The following PKP1 variants were observed in gnomAD, a reference collection of about 807,000 sequenced individuals.
PKP1 encodes plakophilin 1.
In PKP1, 27 loss-of-function variants were observed where a neutral mutation model predicts 76.4. The ratio of observed to expected loss-of-function variants is 0.35; its 90% CI spans 0.26 to 0.49. The LOEUF (loss-of-function observed/expected upper bound fraction) is 0.49. PKP1 is among the 20% of genes least tolerant of loss of function. The pLI is 0.99. For synonymous variants in PKP1, 404 were observed against 384.2 expected (o/e 1.05, Z -0.60); for missense variants, 964 against 955.2 (o/e 1.01, Z -0.12).
In PKP1 at chr1:201,325,029, C is replaced by T. The variant is rs764259164; in HGVS notation, c.1923C>T (p.Cys641=). ...CCGAAGACATCTTGTCCTCGGCCTG[C>T]TACACTGTGAGGAACCTGATGGCCT... ...SNSEDILSSA[C]YTVRNLMASQ... The change falls in exon 11 of 14, where the codon TGC becomes TGT. Residue 641 remains cysteine, a synonymous_variant. Coordinates refer to ENST00000367324, the MANE Select transcript of PKP1 (RefSeq NM_001005337.3). The T allele has an allele frequency of 4.3e-6, 7 of 1,613,940 alleles. No homozygotes were observed. In the South Asian group the frequency reaches 7.7e-5, roughly 18 times the overall value.
intron 6 of PKP1, 136 bp from the exon 7 acceptor site, chr1:201,320,131 C>A: frequency 1.4e-6 from 1 of 711,578 alleles, no homozygotes; most frequent in Non-Finnish European, 2.5e-6. Flanking sequence ...ATCTCCACCC[C>A]GTCGTCTCCT....
chr1:201,291,363 G>T (rs755135233), intron 1 of PKP1, among the ~76,000 whole-genome samples: 1 of 152,208 alleles, frequency 6.6e-6, no homozygotes. Context: ...ATGGGGACTG[G>T]CTTTGGGAAC....
Position 201,319,619 on chromosome 1 carries a change from G to T in PKP1, c.1233-648G>T, listed in dbSNP as rs560046519. 3.1e-3 allele frequency among the ~76,000 whole-genome samples: 477 copies of T among 152,318 alleles called. 1 individual carries two copies. Among genetic ancestry groups the T allele is most frequent in the African/African-American group, 0.011 (452 of 41,574 alleles). On this transcript the variant is annotated intron_variant, in intron 6 of 13. Coordinates refer to ENST00000367324, the MANE Select transcript of PKP1 (RefSeq NM_001005337.3). Reference sequence around the variant, plus strand: ...TTATGGGGTTGATGTGCTACTGGTAGCAACAGCAGCCACACCCCACCTGCA... The same window carrying T: ...TTATGGGGTTGATGTGCTACTGGTATCAACAGCAGCCACACCCCACCTGCA...
rs557982962 is a variant in PKP1 at position 201,322,059 on chromosome 1, G to C, written c.1429G>C (p.Glu477Gln). 4.3e-5 allele frequency: 69 copies of C among 1,613,690 alleles called. No homozygotes were observed. Among genetic ancestry groups the C allele is most frequent in the Non-Finnish European group, 5.6e-5 (66 of 1,180,006 alleles). Reference protein sequence around the residue: ...AEVPTRYRQLEYNARNAYTEK... With the variant: ...AEVPTRYRQLQYNARNAYTEK... ...GGTGCCCACCCGCTACCGCCAGCTG[G>C]AGTATAACGCCCGCAACGCCTACAC... The change falls in exon 8 of 14, where the codon GAG becomes CAG. Residue 477 changes from glutamate to glutamine, a missense_variant. Coordinates refer to ENST00000367324, the MANE Select transcript of PKP1 (RefSeq NM_001005337.3).
At chr1:201,320,465 C>A in intron 7 of PKP1, 84 bp downstream of exon 7, 1 of 844,946 alleles carries the variant, frequency 1.2e-6, no homozygotes, top group Non-Finnish European at 2.0e-6. Context: ...GGCCCAGTGA[C>A]AAGACAGGAG....
At chr1:201,288,020 C>T (rs1485818316) in intron 1 of PKP1, among the ~76,000 whole-genome samples, 1 of 152,148 alleles carries the variant, frequency 6.6e-6, no homozygotes, top group Non-Finnish European at 1.5e-5. Context: ...CACACACCCA[C>T]ACATGCACAC....
In PKP1 at chr1:201,320,227, C is replaced by T. The variant is rs749506969; in HGVS notation, c.1233-40C>T. ...TCCCCACCTTCCCCGTTCTCTCTTCCCCCTTTCTCTGCCCTCTTCCACCCT... is the reference window on the plus strand; with the variant it reads ...TCCCCACCTTCCCCGTTCTCTCTTCTCCCTTTCTCTGCCCTCTTCCACCCT... On this transcript the variant is annotated intron_variant, in intron 6 of 13. Transcript: ENST00000367324. The T allele has an allele frequency of 4.6e-6, 6 of 1,307,822 alleles. No individual in the cohort carries two copies. In the African/African-American group the frequency reaches 5.8e-5, roughly 13 times the overall value. The allele number at this position is 1,307,822 out of a possible 1,614,324, so 81.0% of individuals were successfully genotyped here.
At chr1:201,321,933 C>T (rs201647919) in intron 7 of PKP1, 45 bp from the exon 8 acceptor site, 55 of 1,610,796 alleles carry the variant, frequency 3.4e-5, no homozygotes, top group African/African-American at 9.3e-5. Context: ...AGGAGCCTGT[C>T]GGGCCGGGCA....
Position 201,313,568 on chromosome 1 carries a change from C to T in PKP1, c.701+8C>T. 5.6e-6 allele frequency: 9 copies of T among 1,608,802 alleles called. No individual in the cohort carries two copies. The highest frequency in any genetic ancestry group is 7.7e-6 in the Non-Finnish European group (9 of 1,176,340). On this transcript the variant is annotated splice_region_variant and intron_variant, in intron 3 of 13. Coordinates refer to ENST00000367324, the MANE Select transcript of PKP1 (RefSeq NM_001005337.3). The stretch of plus-strand genomic sequence containing the variant: ...CTCTAGGGCCAGCTCCAAGTGAGTG[C>T]TGCTGGGCTGGGTTGGGGAGCCAGG...
At chr1:201,313,136 G>T in intron 2 of PKP1, 30 bp from the exon 3 acceptor site, 1 of 1,606,846 alleles carries the variant, frequency 6.2e-7, no homozygotes, top group South Asian at 1.1e-5. Context: ...TAGGAACCTT[G>T]ACTGAGCTTT....
At chr1:201,284,590 G>A (rs966347969) in intron 1 of PKP1, among the ~76,000 whole-genome samples, 1 of 152,258 alleles carries the variant, frequency 6.6e-6, no homozygotes, top group Non-Finnish European at 1.5e-5. Context: ...CCTCCTGAAA[G>A]AGGCTAGCCT....
At chr1:201,314,964 T>C (rs2102175151) in intron 3 of PKP1, among the ~76,000 whole-genome samples, 1 of 152,374 alleles carries the variant, frequency 6.6e-6, no homozygotes, top group South Asian at 2.1e-4. Flanking sequence ...AAGTAGTTTG[T>C]CCAAGGCCAC....
intron 8 of PKP1, among the ~76,000 whole-genome samples, chr1:201,322,582 T>C (rs756984816): frequency 2.0e-4 from 31 of 152,138 alleles, no homozygotes; most frequent in Admixed American, 6.5e-5. Context: ...TCTCCTTCAC[T>C]GGGCCCAGCT....
In PKP1 at chr1:201,317,474, A is replaced by AT. The variant is rs1438915053; in HGVS notation, c.847-92dup. 1.4e-5 allele frequency: 13 copies of AT among 942,718 alleles called. No individual in the cohort carries two copies. The Admixed American group carries it at 2.8e-4, about 21-fold the overall frequency. The allele number at this position is 942,718 out of a possible 1,614,324, so 58.4% of individuals were successfully genotyped here. A position where few individuals can be genotyped will look rare whatever the true frequency, so the allele number is the denominator to read the frequency against. On this transcript the variant is annotated intron_variant, in intron 4 of 13. Coordinates refer to ENST00000367324, the MANE Select transcript of PKP1 (RefSeq NM_001005337.3). ...GACTTGAATATTTCTGAACTGATAGATTTTTTGGTCTGAAAAAAAAAATCA... is the reference window on the plus strand; with the variant it reads ...GACTTGAATATTTCTGAACTGATAGATTTTTTTGGTCTGAAAAAAAAAATCA...
In PKP1 at chr1:201,322,126, A is replaced by G. The variant is rs774895069; in HGVS notation, c.1496A>G (p.Lys499Arg). ...STGCFSNKSD[K>R]MMNNNYDCPL... ...GGCTGCTTCAGCAACAAGAGCGACA[A>G]GATGATGGTGAGCACAGCATCAGCA... The change falls in exon 8 of 14, where the codon AAG becomes AGG. Residue 499 changes from lysine (K) to arginine (R), a missense_variant. Lys to Arg is a conservative substitution (Grantham distance 26, BLOSUM62 2). Coordinates refer to ENST00000367324, the MANE Select transcript of PKP1 (RefSeq NM_001005337.3). 1.2e-6 allele frequency: 2 copies of G among 1,611,080 alleles called. No homozygotes were observed. The highest frequency in any genetic ancestry group is 1.3e-5 in the African/African-American group (1 of 74,858).
chr1:201,302,019 A>C (rs992400468), intron 2 of PKP1, among the ~76,000 whole-genome samples: 3 of 152,160 alleles, frequency 2.0e-5, no homozygotes, highest in South Asian at 2.1e-4. Flanking sequence ...GATGAGCCGC[A>C]GGTGGTGGCT....
intron 2 of PKP1, among the ~76,000 whole-genome samples, chr1:201,298,567 T>C (rs1656135847): frequency 6.6e-6 from 1 of 152,168 alleles, no homozygotes; most frequent in South Asian, 2.1e-4. Context: ...CACTGAGGCA[T>C]CATCAGAGGG....
intron 12 of PKP1, 162 bp from the exon 13 acceptor site, chr1:201,328,600 A>G (rs1657218412): frequency 1.4e-6 from 1 of 702,986 alleles, no homozygotes; most frequent in South Asian, 1.5e-5. Context: ...ATGTTTTGTT[A>G]CACAGTTACT....
Position 201,318,526 on chromosome 1 carries a change from C to A in PKP1, c.1055-92C>A, listed in dbSNP as rs115486044. ...CTGGAAAGCGACATTTCAGTAGGGC[C>A]CATTTGCCAGAGTCCAGGCTGGGGC... On this transcript the variant is annotated intron_variant, in intron 5 of 13. Transcript: ENST00000367324. The A allele has an allele frequency of 3.0e-3, 3,226 of 1,074,240 alleles. 59 individuals are homozygous for A. In the African/African-American group the frequency reaches 0.044, roughly 15 times the overall value. 66.5% of individuals were successfully genotyped at this position (1,074,240 alleles called of 1,614,324 possible).
Sources: allele counts gnomAD v4.1 joint callset (sites outside exome capture counted in the v4.1 genomes callset), GRCh38; gene constraint gnomAD v4.1.1; transcripts MANE v1.5; gene names NCBI Gene and HGNC (gene_info 2026-07-23, HGNC 2026-07-21).